Variants in RNF144A observed in about 807,000 individuals in gnomAD.
RNF144A encodes ring finger protein 144A.
Under a neutral mutation model 38.7 loss-of-function variants are expected in RNF144A, and 11 were observed. The ratio of observed to expected loss-of-function variants is 0.28; its 90% CI spans 0.18 to 0.47. The LOEUF (loss-of-function observed/expected upper bound fraction) is 0.47. Among genes scored for constraint, RNF144A ranks in the 20% least tolerant of loss-of-function variants. The pLI is 0.99. For missense variants in RNF144A, 316 were observed against 377.2 expected (o/e 0.84, Z 1.34); for synonymous variants, 149 against 143.9 (o/e 1.04, Z -0.25).
intron 3 of RNF144A, among the ~76,000 whole-genome samples, chr2:7,013,713 T>C (rs1670963241): frequency 6.6e-6 from 1 of 152,248 alleles, no homozygotes; most frequent in South Asian, 2.1e-4. Flanking sequence ...CTAAGACTAG[T>C]AGACTTTGTA....
rs74904062 is a variant in RNF144A at position 7,002,751 on chromosome 2, G to A, written c.135+5690G>A. 6.3e-3 allele frequency among the ~76,000 whole-genome samples: 965 copies of A among 152,248 alleles called. 7 individuals are homozygous for A. The highest frequency in any genetic ancestry group is 0.02 in the African/African-American group (829 of 41,528). ...TGTACTTTTTTATCGTTATTTTAGA[G>A]TGTACTACTACTTATGAAAAAATAA... is the stretch of plus-strand genomic sequence containing the variant. On this transcript the variant is annotated intron_variant, in intron 3 of 8. Coordinates refer to ENST00000320892, the MANE Select transcript of RNF144A (RefSeq NM_014746.6).
intron 2 of RNF144A, among the ~76,000 whole-genome samples, chr2:6,976,757 C>A (rs1206329157): frequency 6.6e-6 from 1 of 151,550 alleles, no homozygotes; most frequent in African/African-American, 2.4e-5. Flanking sequence ...TATGTACTAC[C>A]CTTTCCTTTG....
chr2:7,001,551 C>T (rs1454289759), intron 3 of RNF144A, among the ~76,000 whole-genome samples: 1 of 151,946 alleles, frequency 6.6e-6, no homozygotes, highest in Non-Finnish European at 1.5e-5. Context: ...GTGACAGACA[C>T]CTGTGGCCCC....
In RNF144A at chr2:6,940,987, C is replaced by T. The variant is rs1031159455; in HGVS notation, c.-172C>T. 1 of 152,536 alleles carries T rather than the reference C, an allele frequency of 6.6e-6. No individual in the cohort carries two copies. Among genetic ancestry groups the T allele is most frequent in the Non-Finnish European group, 1.5e-5 (1 of 68,334 alleles). 9.4% of individuals were successfully genotyped at this position (152,536 alleles called of 1,614,324 possible). A position where few individuals can be genotyped will look rare whatever the true frequency, so the allele number is the denominator to read the frequency against. On this transcript the variant is annotated 5_prime_UTR_variant, in exon 2 of 9. Transcript: ENST00000320892. ...GCTGACTCTGACATGCCCCCAGCCTCCCCCAGCTCTGCAGGGAGCCCTGGT... is the reference window on the plus strand; with the variant it reads ...GCTGACTCTGACATGCCCCCAGCCTTCCCCAGCTCTGCAGGGAGCCCTGGT...
At chr2:6,976,542 A>G (rs1385318544) in intron 2 of RNF144A, among the ~76,000 whole-genome samples, 1 of 150,482 alleles carries the variant, frequency 6.6e-6, no homozygotes, top group East Asian at 1.9e-4. Flanking sequence ...TTTGGTTTGC[A>G]GAAGGTTTTG....
intron 8 of RNF144A, among the ~76,000 whole-genome samples, chr2:7,038,063 C>T (rs1474821211): frequency 1.3e-5 from 2 of 152,220 alleles, no homozygotes; most frequent in Non-Finnish European, 2.9e-5. Flanking sequence ...GGCATGTCTG[C>T]ATTTGAGGCT....
In RNF144A at chr2:6,958,476, A is replaced by G. The variant is rs575270442; in HGVS notation, c.-12+17329A>G. ...CTTAGTGATTCATGGTGCTCTCAGC[A>G]TAGACCTTGAGCAATAACCCATGTG... is the stretch of plus-strand genomic sequence containing the variant. On this transcript the variant is annotated intron_variant, in intron 2 of 8. Coordinates refer to ENST00000320892, the MANE Select transcript of RNF144A (RefSeq NM_014746.6). This position sits in a 1 kb window ranked among gnomAD's most constrained non-coding sequence, Gnocchi z 4.5. 1.0e-3 allele frequency among the ~76,000 whole-genome samples: 152 copies of G among 152,308 alleles called. No individual in the cohort carries two copies. The highest frequency in any genetic ancestry group is 3.4e-3 in the African/African-American group (140 of 41,562).
intron 2 of RNF144A, among the ~76,000 whole-genome samples, chr2:6,993,783 T>C (rs1669549269): frequency 6.6e-6 from 1 of 152,138 alleles, no homozygotes; most frequent in South Asian, 2.1e-4. Flanking sequence ...ATGATATCTC[T>C]TCCCAACAGC....
chr2:6,975,731 T>A (rs1160006876), intron 2 of RNF144A, among the ~76,000 whole-genome samples: 1 of 152,088 alleles, frequency 6.6e-6, no homozygotes, highest in African/African-American at 2.4e-5. Context: ...GAGGCTGAGG[T>A]GGGAGGATCA....
intron 2 of RNF144A, among the ~76,000 whole-genome samples, chr2:6,952,582 G>T (rs575197881): frequency 1.3e-5 from 2 of 149,642 alleles, no homozygotes; most frequent in East Asian, 1.9e-4. Flanking sequence ...AGTCAGTTTT[G>T]TTAAGCTTTA....
chr2:7,060,717 G>A (rs309274), intron 6 of RNF144A, among the ~76,000 whole-genome samples: 41,043 of 152,046 alleles, frequency 0.27, 6,737 homozygotes, highest in South Asian at 0.43. Context: ...CTTCTCACCT[G>A]CAAGAATTTA....
chr2:6,971,378 T>C (rs3772004), intron 2 of RNF144A, among the ~76,000 whole-genome samples: 23,320 of 152,162 alleles, frequency 0.15, 1,826 homozygotes, highest in East Asian at 0.21. Context: ...GTATACGTGG[T>C]GATTCCAGTC....
chr2:7,008,517 G>A (rs1031735441), intron 3 of RNF144A, among the ~76,000 whole-genome samples: 2 of 152,146 alleles, frequency 1.3e-5, no homozygotes, highest in Non-Finnish European at 2.9e-5. Context: ...TCCCGACACG[G>A]TGCACTCTCC....
Position 6,920,186 on chromosome 2 carries a change from C to T in RNF144A, c.-212+2564C>T, listed in dbSNP as rs147840336. 1.2e-4 allele frequency among the ~76,000 whole-genome samples: 18 copies of T among 152,352 alleles called. No individual in the cohort carries two copies. The East Asian group carries it at 3.5e-3, about 29-fold the overall frequency. ...TCCCCTGTGGTCCACCACGTGGCCC[C>T]ACTGCCTACTTTTGTTCACATTTCT... On this transcript the variant is annotated intron_variant, in intron 1 of 8. Transcript: ENST00000320892.
rs146256260 is a variant in RNF144A, at chr2:7,037,601, G to A, written c.748-2028G>A. On this transcript the variant is annotated intron_variant, in intron 8 of 8. Transcript: ENST00000320892. ...GCTGGGCAGCAGGCATGGATTCCCA[G>A]CATTAGCACAATCCAATGTATAAAT... Among the ~76,000 whole-genome samples, 1,057 of 152,346 alleles carry A rather than the reference G, an allele frequency of 6.9e-3. 11 individuals are homozygous for A. The highest frequency in any genetic ancestry group is 0.015 in the Admixed American group (231 of 15,304).
intron 2 of RNF144A, among the ~76,000 whole-genome samples, chr2:6,953,214 G>C (rs1666795717): frequency 6.6e-6 from 1 of 152,092 alleles, no homozygotes; most frequent in South Asian, 2.1e-4. Flanking sequence ...ATCACCTGAG[G>C]TCAGGAGCTT....
In RNF144A at chr2:7,021,394, C is replaced by T. The variant is rs1163828216; in HGVS notation, c.509+714C>T. ...GCTGCTCCCTGTGCGCCCCTTTTCC[C>T]ATTCCACCGTCCCCAGCTCCTGTTC... On this transcript the variant is annotated intron_variant, in intron 6 of 8. Transcript: ENST00000320892. Among the ~76,000 whole-genome samples, 5 of 152,144 alleles carry T rather than the reference C, an allele frequency of 3.3e-5. No homozygotes were observed. In the South Asian group the frequency reaches 1.0e-3, roughly 32 times the overall value.
intron 5 of RNF144A, among the ~76,000 whole-genome samples, chr2:7,015,621 G>T (rs1671086642): frequency 6.6e-6 from 1 of 152,198 alleles, no homozygotes; most frequent in African/African-American, 2.4e-5. Context: ...ATACTCCGGG[G>T]TCATACAATG....
At chr2:6,970,371 A>G (rs529204371) in intron 2 of RNF144A, among the ~76,000 whole-genome samples, 1 of 152,118 alleles carries the variant, frequency 6.6e-6, no homozygotes, top group Non-Finnish European at 1.5e-5. Flanking sequence ...ATCCACGTAC[A>G]ATGTGAGTTG....
Sources: allele counts gnomAD v4.1 joint callset (sites outside exome capture counted in the v4.1 genomes callset), GRCh38; gene constraint gnomAD v4.1.1; non-coding constraint Gnocchi (gnomAD v3.1); transcripts MANE v1.5; gene names NCBI Gene and HGNC (gene_info 2026-07-23, HGNC 2026-07-21).